The following L3HYPDH variants were observed in gnomAD, a reference collection of about 807,000 sequenced individuals.
L3HYPDH encodes the protein trans-L-3-hydroxyproline dehydratase.
Under a neutral mutation model 26.5 loss-of-function variants are expected in L3HYPDH, and 32 were observed. That is an observed-to-expected ratio of 1.21 (90% CI 0.91 to 1.62). L3HYPDH has a LOEUF of 1.62. L3HYPDH is among the 40% of genes most tolerant of loss of function. The probability of loss-of-function intolerance (pLI) is 0.00; values close to 1 mark genes in which losing one functional copy is unlikely to be tolerated. For synonymous variants in L3HYPDH, 215 were observed against 196.6 expected (o/e 1.09, Z -0.78); for missense variants, 554 against 476.4 (o/e 1.16, Z -1.52).
chr14:59,491,464 G>A, the L3HYPDH span, among the ~76,000 whole-genome samples: 1 of 152,198 alleles, frequency 6.6e-6, no homozygotes, highest in Non-Finnish European at 1.5e-5. Context: ...GTAATGGCAA[G>A]AAATAATGAA....
At chr14:59,477,453 T>C (rs1232954767) in intron 2 of L3HYPDH, among the ~76,000 whole-genome samples, 1 of 152,234 alleles carries the variant, frequency 6.6e-6, no homozygotes, top group Non-Finnish European at 1.5e-5. Context: ...TCCTCATTTT[T>C]CTCAGAATCC....
upstream of L3HYPDH, chr14:59,485,201 T>C (rs571617020): frequency 5.6e-6 from 8 of 1,430,424 alleles, no homozygotes; most frequent in East Asian, 9.2e-5. Context: ...ATTATTGATA[T>C]TCACGTGTAT....
the L3HYPDH span, chr14:59,495,327 T>G: frequency 1.2e-6 from 1 of 814,344 alleles, no homozygotes; most frequent in South Asian, 1.7e-5. Context: ...TGGGTTTGAG[T>G]TCTGGGTCTG....
the L3HYPDH span, among the ~76,000 whole-genome samples, chr14:59,493,671 A>G: frequency 6.6e-6 from 1 of 152,240 alleles, no homozygotes; most frequent in African/African-American, 2.4e-5. Context: ...CAGTACAAGT[A>G]CTGTGACATA....
the L3HYPDH span, among the ~76,000 whole-genome samples, chr14:59,502,759 T>TGTTTTGTTTTG: frequency 1.1e-4 from 15 of 131,032 alleles, 1 homozygote; most frequent in South Asian, 2.7e-4. Flanking sequence ...GATTTTTTTT[T>TGTTTTGTTTTG]TTTTTTTTTT....
chr14:59,484,109 G>T lies in L3HYPDH; in HGVS notation c.208C>A (p.Arg70=), dbSNP rs150505468. The change falls in exon 1 of 5, where the codon CGA becomes AGA. Residue 70 remains arginine, a synonymous_variant. Coordinates refer to ENST00000247194, the MANE Select transcript of L3HYPDH (RefSeq NM_144581.2). ...GCCCCGTACATGTCCCGGTGCCCTC[G>T]GGGCTCGAACATGAGCCGTCGCCGC... The part of the protein sequence containing the change: ...HVRRRLMFEP[R]GHRDMYGAVL... 1.5e-4 allele frequency: 240 copies of T among 1,604,584 alleles called. No individual in the cohort carries two copies. The highest frequency in any genetic ancestry group is 7.7e-4 in the Admixed American group (46 of 59,812).
the L3HYPDH span, among the ~76,000 whole-genome samples, chr14:59,500,080 T>C: frequency 6.6e-6 from 1 of 152,270 alleles, no homozygotes; most frequent in African/African-American, 2.4e-5. Context: ...GGCTTTTTAC[T>C]ACCAGGTCTT....
In L3HYPDH at chr14:59,472,720, C is replaced by G. The variant is rs76181108; in HGVS notation, c.*245G>C. 1 of 333,726 alleles carries G rather than the reference C, an allele frequency of 3.0e-6. No homozygotes were observed. Among genetic ancestry groups the G allele is most frequent in the Non-Finnish European group, 5.4e-6 (1 of 186,914 alleles). 20.7% of individuals were successfully genotyped at this position (333,726 alleles called of 1,614,324 possible). ...ACTACTGTTTTAATTTTACCTGATA[C>G]GTTAATCACTAGAAAAAGACTCTGA... On this transcript the variant is annotated 3_prime_UTR_variant, in exon 5 of 5. Coordinates refer to ENST00000247194, the MANE Select transcript of L3HYPDH (RefSeq NM_144581.2).
chr14:59,504,363 T>A, the L3HYPDH span: 3 of 346,104 alleles, frequency 8.7e-6, no homozygotes. Flanking sequence ...AAATCATGTT[T>A]CTGTGTACCT....
downstream of L3HYPDH, among the ~76,000 whole-genome samples, chr14:59,468,592 T>C (rs150407756): frequency 5.4e-3 from 819 of 152,304 alleles, 5 homozygotes; most frequent in African/African-American, 0.019. Flanking sequence ...GTATTTTCCA[T>C]TGTAGCACAT....
downstream of L3HYPDH, among the ~76,000 whole-genome samples, chr14:59,470,037 T>C (rs1233403552): frequency 1.3e-5 from 2 of 152,178 alleles, no homozygotes; most frequent in Non-Finnish European, 2.9e-5. Flanking sequence ...CAATGGTCTA[T>C]TGAGAAATCA....
chr14:59,500,051 A>C, the L3HYPDH span, among the ~76,000 whole-genome samples: 4 of 152,266 alleles, frequency 2.6e-5, no homozygotes, highest in African/African-American at 9.6e-5. Flanking sequence ...CTTCCTCTTT[A>C]TTCCTTTTTA....
intron 1 of L3HYPDH, among the ~76,000 whole-genome samples, chr14:59,467,427 G>T (rs572001603): frequency 2.5e-4 from 38 of 152,290 alleles, no homozygotes; most frequent in African/African-American, 9.1e-4. Context: ...TAGCATAAGG[G>T]AGGGCCGTGA....
In L3HYPDH at chr14:59,476,141, G is replaced by C. The variant is rs370906740; in HGVS notation, c.752C>G (p.Ala251Gly). Residue 251 changes from alanine (A) to glycine (G), a missense_variant, in exon 3 of 5, where the codon GCT becomes GGT. Coordinates refer to ENST00000247194, the MANE Select transcript of L3HYPDH (RefSeq NM_144581.2). ...GTTGGTGGTTGGTTCCTTGGTATAA[G>C]CATCTTTTCCATCTGTTAATATAGT... ...YGTILTDGKD[A>G]YTKEPTTNIC... 4.3e-6 allele frequency: 7 copies of C among 1,613,758 alleles called. No individual in the cohort carries two copies. In the African/African-American group the frequency reaches 5.3e-5, roughly 12 times the overall value.
At chr14:59,479,037 T>G in intron 2 of L3HYPDH, 145 bp downstream of exon 2, 1 of 634,364 alleles carries the variant, frequency 1.6e-6, no homozygotes, top group Non-Finnish European at 2.4e-6. Flanking sequence ...AAGCTTGCTC[T>G]AGAGCCTAAG....
chr14:59,487,525 T>C, upstream of L3HYPDH: 1 of 583,360 alleles, frequency 1.7e-6, no homozygotes, highest in Non-Finnish European at 3.0e-6. Flanking sequence ...TCTTTTTATT[T>C]TACTTATGCC....
intron 1 of L3HYPDH, chr14:59,483,450 A>C: frequency 9.3e-7 from 1 of 1,072,088 alleles, no homozygotes; most frequent in Non-Finnish European, 1.2e-6. Context: ...GAACCCTGGT[A>C]CATTGGCTGT....
At chr14:59,499,750 T>TGAG in the L3HYPDH span, among the ~76,000 whole-genome samples, 1 of 152,110 alleles carries the variant, frequency 6.6e-6, no homozygotes, top group African/African-American at 2.4e-5. Context: ...TGGTGGGGCT[T>TGAG]GAGGGTAAGA....
upstream of L3HYPDH, chr14:59,485,127 G>C (rs1566571113): frequency 6.3e-7 from 1 of 1,598,158 alleles, no homozygotes; most frequent in Non-Finnish European, 8.5e-7. Context: ...GTAAGTGATA[G>C]GCTGTTTATT....
Sources: allele counts gnomAD v4.1 joint callset (sites outside exome capture counted in the v4.1 genomes callset), GRCh38; gene constraint gnomAD v4.1.1; transcripts MANE v1.5; gene names NCBI Gene and HGNC (gene_info 2026-07-23, HGNC 2026-07-21).